The following UPK3A variants were observed in gnomAD, a reference collection of about 807,000 sequenced individuals.
The protein encoded by UPK3A is uroplakin-3a.
UPK3A carries 32 observed loss-of-function variants against 27.6 expected under a neutral mutation model. The ratio of observed to expected loss-of-function variants is 1.16; its 90% CI spans 0.87 to 1.55. UPK3A has a LOEUF of 1.55. UPK3A is among the 40% of genes most tolerant of loss of function. The pLI is 0.00. For missense variants in UPK3A, 370 were observed against 367.9 expected (o/e 1.01, Z -0.05); for synonymous variants, 171 against 163.9 (o/e 1.04, Z -0.33).
At chr22:45,292,309 G>A (rs565968327) in intron 4 of UPK3A, among the ~76,000 whole-genome samples, 2 of 152,326 alleles carry the variant, frequency 1.3e-5, no homozygotes, top group African/African-American at 2.4e-5. Context: ...GGCTGGCCCA[G>A]CTTGAGCCTG....
chr22:45,292,030 C>T (rs1302586594), intron 4 of UPK3A, among the ~76,000 whole-genome samples: 1 of 152,156 alleles, frequency 6.6e-6, no homozygotes, highest in African/African-American at 2.4e-5. Context: ...ACCGCCCCTC[C>T]CGTGGCATTC....
Position 45,293,317 on chromosome 22 carries a change from A to T in UPK3A, c.704+4A>T, listed in dbSNP as rs2084174810. ...GCGCCATTGCCCTCAGCCTCGTGTAAGTACCTGCCTGCTGGGAGGGCTGGA... is the reference window on the plus strand; with the variant it reads ...GCGCCATTGCCCTCAGCCTCGTGTATGTACCTGCCTGCTGGGAGGGCTGGA... On this transcript the variant is annotated splice_donor_region_variant and intron_variant, in intron 5 of 5. Coordinates refer to ENST00000216211, the MANE Select transcript of UPK3A (RefSeq NM_006953.4). The T allele has an allele frequency of 6.2e-7, 1 of 1,613,798 alleles. No homozygotes were observed. Among genetic ancestry groups the T allele is most frequent in the East Asian group, 2.2e-5 (1 of 44,864 alleles).
Position 45,287,157 on chromosome 22 carries a change from G to A in UPK3A, c.209-15G>A, listed in dbSNP as rs1322641177. On this transcript the variant is annotated splice_polypyrimidine_tract_variant and intron_variant, in intron 2 of 5. Coordinates refer to ENST00000216211, the MANE Select transcript of UPK3A (RefSeq NM_006953.4). ...GGAGTGGCCAGAAGCCTGACTCCCT[G>A]CACCGCCTCTGCAGCCATTTCCAGG... 6.2e-7 allele frequency: 1 copy of A among 1,613,764 alleles called. No homozygotes were observed. The highest frequency in any genetic ancestry group is 1.7e-5 in the Admixed American group (1 of 60,020).
At position 45,286,149 on chromosome 22, in the gene UPK3A, C is replaced by G; in HGVS notation, c.208+53C>G. On this transcript the variant is annotated intron_variant, in intron 2 of 5. Coordinates refer to ENST00000216211, the MANE Select transcript of UPK3A (RefSeq NM_006953.4). Reference sequence around the variant, plus strand: ...TCCAAAAGGGGCTCTGACCTGTCTGCAGGGAGGAGGGAAGGAGGCAGATAG... The same window carrying G: ...TCCAAAAGGGGCTCTGACCTGTCTGGAGGGAGGAGGGAAGGAGGCAGATAG... The G allele has an allele frequency of 1.6e-5, 25 of 1,609,624 alleles. No homozygotes were observed. In the South Asian group the frequency reaches 2.8e-4, roughly 18 times the overall value.
intron 4 of UPK3A, among the ~76,000 whole-genome samples, chr22:45,292,074 A>G (rs1018188908): frequency 2.8e-4 from 43 of 152,278 alleles, no homozygotes; most frequent in African/African-American, 9.9e-4. Context: ...ACAGCCTTGG[A>G]ACCCTTGGGA....
Position 45,289,483 on chromosome 22 carries a change from C to T in UPK3A, c.571+340C>T, listed in dbSNP as rs1004650492. On this transcript the variant is annotated intron_variant, in intron 4 of 5. Transcript: ENST00000216211. ...GTCCCAGCTACTCGGGAGGCTAAGG[C>T]GGGAGAATAGCGTGAACCCGGGAGG... 2.7e-5 allele frequency among the ~76,000 whole-genome samples: 4 copies of T among 148,314 alleles called. No homozygotes were observed. The Admixed American group carries it at 2.7e-4, about 10-fold the overall frequency.
At chr22:45,294,749 C>A (rs1462579675) in intron 5 of UPK3A, among the ~76,000 whole-genome samples, 1 of 152,112 alleles carries the variant, frequency 6.6e-6, no homozygotes, top group Admixed American at 6.6e-5. Context: ...GCTATCCCCA[C>A]TTTGTTCCGG....
intron 4 of UPK3A, 103 bp downstream of exon 4, chr22:45,289,246 C>G (rs2147794992): frequency 8.3e-7 from 1 of 1,207,570 alleles, no homozygotes; most frequent in Non-Finnish European, 1.2e-6. Context: ...GTGAAAGCCT[C>G]CCAGGCCAGG....
At chr22:45,288,559 C>G (rs925401873) in intron 3 of UPK3A, among the ~76,000 whole-genome samples, 14 of 152,170 alleles carry the variant, frequency 9.2e-5, no homozygotes, top group African/African-American at 3.4e-4. Flanking sequence ...TCTCGAGCCC[C>G]TGACCTCAGG....
intron 3 of UPK3A, 55 bp downstream of exon 3, chr22:45,287,506 A>T: frequency 5.8e-6 from 9 of 1,548,016 alleles, no homozygotes; most frequent in South Asian, 2.4e-5. Context: ...AGTCCTGATG[A>T]GGGAGAGCAG....
chr22:45,293,162 G>C lies in UPK3A; in HGVS notation c.572-19G>C, dbSNP rs143799931. The C allele has an allele frequency of 4.5e-4, 721 of 1,612,952 alleles. 6 individuals carry two copies. In the African/African-American group the frequency reaches 8.2e-3, roughly 18 times the overall value. ...GTGGTGCGGTGTCTGGGAAGTAACC[G>C]GGCTGCATCCCACCACAGTCACCCC... On this transcript the variant is annotated intron_variant, in intron 4 of 5. Transcript: ENST00000216211.
At chr22:45,288,216 A>T (rs1431975023) in intron 3 of UPK3A, among the ~76,000 whole-genome samples, 1 of 148,510 alleles carries the variant, frequency 6.7e-6, no homozygotes, top group Admixed American at 6.7e-5. Flanking sequence ...TTTTTTTGAG[A>T]TGGAGTTTCG....
In UPK3A at chr22:45,285,997, C is replaced by T; in HGVS notation, c.109C>T (p.Leu37Phe). ...GACTTTCGCCACCAACAACCCCACACTTACCACTGTGGCCTTGGAAAAGCC... is the reference window on the plus strand; with the variant it reads ...GACTTTCGCCACCAACAACCCCACATTTACCACTGTGGCCTTGGAAAAGCC... ...SVTFATNNPT[L>F]TTVALEKPLC... Residue 37 changes from leucine to phenylalanine, a missense_variant, in exon 2 of 6, where the codon CTT (leucine) becomes TTT (phenylalanine). By Grantham distance (22) the Leu-to-Phe change is conservative. Coordinates refer to ENST00000216211, the MANE Select transcript of UPK3A (RefSeq NM_006953.4). The T allele has an allele frequency of 6.2e-7, 1 of 1,614,210 alleles. No individual in the cohort carries two copies. Among genetic ancestry groups the T allele is most frequent in the Non-Finnish European group, 8.5e-7 (1 of 1,180,018 alleles).
At chr22:45,293,733 T>A (rs1041034525) in intron 5 of UPK3A, among the ~76,000 whole-genome samples, 1 of 152,180 alleles carries the variant, frequency 6.6e-6, no homozygotes, top group African/African-American at 2.4e-5. Flanking sequence ...TCTAGAGCAG[T>A]GCCTGGGAAC....
chr22:45,294,648 A>G (rs1016840584), intron 5 of UPK3A, among the ~76,000 whole-genome samples: 1 of 152,094 alleles, frequency 6.6e-6, no homozygotes, highest in African/African-American at 2.4e-5. Flanking sequence ...GAACACAGCA[A>G]TGTCCCTCCT....
intron 5 of UPK3A, among the ~76,000 whole-genome samples, chr22:45,294,929 C>T (rs1277845346): frequency 6.6e-6 from 1 of 150,760 alleles, no homozygotes; most frequent in Non-Finnish European, 1.5e-5. Context: ...GTTGCCCAGC[C>T]ATCTCGGCTC....
At chr22:45,294,801 T>C (rs1005083579) in intron 5 of UPK3A, among the ~76,000 whole-genome samples, 15 of 151,902 alleles carry the variant, frequency 9.9e-5, no homozygotes, top group Non-Finnish European at 1.9e-4. Flanking sequence ...TCGCTCCAGA[T>C]ACTCCTCAGC....
intron 4 of UPK3A, among the ~76,000 whole-genome samples, chr22:45,292,321 A>T (rs1432216645): frequency 6.6e-6 from 1 of 152,112 alleles, no homozygotes; most frequent in East Asian, 1.9e-4. Context: ...TTGAGCCTGG[A>T]TTCTGCATGT....
intron 5 of UPK3A, 74 bp downstream of exon 5, chr22:45,293,387 G>A (rs1161135370): frequency 1.3e-6 from 2 of 1,592,716 alleles, no homozygotes; most frequent in Non-Finnish European, 1.7e-6. Flanking sequence ...GGACTCAGCA[G>A]TGGGGTCCTC....
Sources: allele counts gnomAD v4.1 joint callset (sites outside exome capture counted in the v4.1 genomes callset), GRCh38; gene constraint gnomAD v4.1.1; transcripts MANE v1.5; gene names NCBI Gene and HGNC (gene_info 2026-07-23, HGNC 2026-07-21).